Variants in NEUROD4 observed in about 807,000 individuals in gnomAD.
The protein encoded by NEUROD4 is neuronal differentiation 4.
Under a neutral mutation model 19.8 loss-of-function variants are expected in NEUROD4, and 16 were observed. The ratio of observed to expected loss-of-function variants is 0.81; its 90% CI spans 0.55 to 1.23. NEUROD4 has a LOEUF of 1.23. Among genes scored for constraint, NEUROD4 ranks in the 50% most tolerant of loss-of-function variants. The pLI is 0.00. For synonymous variants in NEUROD4, 153 were observed against 147.9 expected (o/e 1.03, Z -0.25); for missense variants, 439 against 398.6 (o/e 1.10, Z -0.86).
At chr12:55,022,816 G>A (rs1952683651) in intron 1 of NEUROD4, among the ~76,000 whole-genome samples, 2 of 152,058 alleles carry the variant, frequency 1.3e-5, no homozygotes, top group Non-Finnish European at 2.9e-5. Flanking sequence ...GGAGACTGGA[G>A]GAGTAGGTGT....
At position 55,028,951 on chromosome 12, in the gene NEUROD4, A is replaced by G. The variant is rs573948691; in HGVS notation, c.*1516A>G. ...TCTTGTTCAATCAGCCAGGACAGTT[A>G]TTTAAGTCAAACCAGAGCCTGAATG... On this transcript the variant is annotated 3_prime_UTR_variant, in exon 2 of 2. Coordinates refer to ENST00000242994, the MANE Select transcript of NEUROD4 (RefSeq NM_021191.3). 2.4e-5 allele frequency: 4 copies of G among 167,120 alleles called. No homozygotes were observed. In the East Asian group the frequency reaches 7.7e-4, roughly 32 times the overall value. The allele number at this position is 167,120 out of a possible 1,614,324, so 10.4% of individuals were successfully genotyped here.
Position 55,028,574 on chromosome 12 carries a change from A to G in NEUROD4, c.*1139A>G, listed in dbSNP as rs570386117. ...ACCATCCACCTCTGTCCACACCAAT[A>G]TATTTTCCAGAAGCACAAGCACCAA... On this transcript the variant is annotated 3_prime_UTR_variant, in exon 2 of 2. Transcript: ENST00000242994. 6.0e-6 allele frequency: 1 copy of G among 167,176 alleles called. No homozygotes were observed. The highest frequency in any genetic ancestry group is 6.5e-5 in the Admixed American group (1 of 15,300). The allele number at this position is 167,176 out of a possible 1,614,324, so 10.4% of individuals were successfully genotyped here.
chr12:55,021,871 C>T (rs949820415), intron 1 of NEUROD4, among the ~76,000 whole-genome samples: 1 of 151,562 alleles, frequency 6.6e-6, no homozygotes, highest in Non-Finnish European at 1.5e-5. Flanking sequence ...CAGATTCTGC[C>T]CCTTGAGCCA....
intron 1 of NEUROD4, among the ~76,000 whole-genome samples, chr12:55,021,382 CA>C: frequency 1.3e-5 from 2 of 152,312 alleles, no homozygotes; most frequent in Middle Eastern, 6.8e-3. Context: ...CTGGGCTGGA[CA>C]GCCCCCTTTC....
rs867754548 is a variant in NEUROD4, at chr12:55,026,897, G to A, written c.458G>A (p.Gly153Asp). The A allele has an allele frequency of 6.8e-6, 11 of 1,614,124 alleles. No homozygotes were observed. The highest frequency in any genetic ancestry group is 9.3e-6 in the Non-Finnish European group (11 of 1,180,010). Residue 153 changes from glycine (G) to aspartate (D), a missense_variant, in exon 2 of 2, where the codon GGC becomes GAC. Physicochemically the swap from Gly to Asp is moderately conservative, Grantham distance 94. Coordinates refer to ENST00000242994, the MANE Select transcript of NEUROD4 (RefSeq NM_021191.3). ...LETGQTPEGK[G>D]FVEMLCKGLS... ...ACTGGCCAGACACCTGAAGGGAAAG[G>A]CTTTGTGGAGATGCTGTGTAAAGGG...
At position 55,027,533 on chromosome 12, in the gene NEUROD4, G is replaced by A; in HGVS notation, c.*98G>A. Reference sequence around the variant, plus strand: ...TCAATGACCTTAAAGGATCCCTATGGATATATATCAAACAATAGTTCAAGT... The same window carrying A: ...TCAATGACCTTAAAGGATCCCTATGAATATATATCAAACAATAGTTCAAGT... On this transcript the variant is annotated 3_prime_UTR_variant, in exon 2 of 2. Coordinates refer to ENST00000242994, the MANE Select transcript of NEUROD4 (RefSeq NM_021191.3). The A allele has an allele frequency of 8.7e-7, 1 of 1,146,634 alleles. No individual in the cohort carries two copies. The highest frequency in any genetic ancestry group is 2.4e-5 in the East Asian group (1 of 42,238). 71.0% of individuals were successfully genotyped at this position (1,146,634 alleles called of 1,614,324 possible). A position where few individuals can be genotyped will look rare whatever the true frequency, so the allele number is the denominator to read the frequency against.
rs1463223716 is a variant in NEUROD4 at position 55,029,424 on chromosome 12, C to T, written c.*1989C>T. On this transcript the variant is annotated 3_prime_UTR_variant, in exon 2 of 2. Transcript: ENST00000242994. ...GAGCGGCTGTAGGAGGGTCTATCCTCGAAGCTAGCATTTTCTGGCATTTAA... is the reference window on the plus strand; with the variant it reads ...GAGCGGCTGTAGGAGGGTCTATCCTTGAAGCTAGCATTTTCTGGCATTTAA... The T allele has an allele frequency of 6.0e-6, 1 of 166,954 alleles. No homozygotes were observed. The highest frequency in any genetic ancestry group is 1.5e-5 in the Non-Finnish European group (1 of 68,102). 10.3% of individuals were successfully genotyped at this position (166,954 alleles called of 1,614,324 possible). A position where few individuals can be genotyped will look rare whatever the true frequency, so the allele number is the denominator to read the frequency against.
At chr12:55,023,303 G>A (rs1952687845) in intron 1 of NEUROD4, among the ~76,000 whole-genome samples, 1 of 152,098 alleles carries the variant, frequency 6.6e-6, no homozygotes, top group Non-Finnish European at 1.5e-5. Context: ...CACACTAGTT[G>A]ATACAGTCTG....
At chr12:55,020,948 GC>G (rs1406210617) in intron 1 of NEUROD4, among the ~76,000 whole-genome samples, 1 of 152,096 alleles carries the variant, frequency 6.6e-6, no homozygotes, top group Non-Finnish European at 1.5e-5. Flanking sequence ...TCCTTTCTCT[GC>G]TTCACACTCA....
At position 55,027,169 on chromosome 12, in the gene NEUROD4, T is replaced by A. The variant is rs766873611; in HGVS notation, c.730T>A (p.Cys244Ser). ...ESSFGSHLPD[C>S]STPPYEGPLT... The stretch of plus-strand genomic sequence containing the variant: ...GTCCTTTGGGAGCCATCTGCCTGAC[T>A]GCAGTACACCCCCTTATGAGGGCCC... The change falls in exon 2 of 2, where the codon TGC becomes AGC. Residue 244 changes from cysteine (C) to serine (S), a missense_variant. Cys to Ser is a moderately radical substitution (Grantham distance 112). Coordinates refer to ENST00000242994, the MANE Select transcript of NEUROD4 (RefSeq NM_021191.3). 9 of 1,614,142 alleles carry A rather than the reference T, an allele frequency of 5.6e-6. No individual in the cohort carries two copies. The Admixed American group carries it at 1.5e-4, about 27-fold the overall frequency.
At chr12:55,025,896 T>C (rs767071976) in intron 1 of NEUROD4, among the ~76,000 whole-genome samples, 6 of 152,256 alleles carry the variant, frequency 3.9e-5, no homozygotes, top group Admixed American at 6.5e-5. Context: ...GTAGAACACA[T>C]ACAAAGTAGT....
In NEUROD4 at chr12:55,026,736, G is replaced by A. The variant is rs1265129016; in HGVS notation, c.297G>A (p.Arg99=). 1 of 1,614,052 alleles carries A rather than the reference G, an allele frequency of 6.2e-7. No individual in the cohort carries two copies. The highest frequency in any genetic ancestry group is 1.3e-5 in the African/African-American group (1 of 74,928). ...RVKANARERT[R]MHGLNDALDN... is the part of the protein sequence containing the mutation. Reference sequence around the variant, plus strand: ...AGGCTAATGCCAGAGAACGGACCCGGATGCATGGCCTGAATGACGCCCTGG... The same window carrying A: ...AGGCTAATGCCAGAGAACGGACCCGAATGCATGGCCTGAATGACGCCCTGG... Residue 99 remains arginine, a synonymous_variant, in exon 2 of 2, where the codon CGG becomes CGA. Coordinates refer to ENST00000242994, the MANE Select transcript of NEUROD4 (RefSeq NM_021191.3).
Position 55,027,468 on chromosome 12 carries a change from T to A in NEUROD4, c.*33T>A, listed in dbSNP as rs753652759. 4.5e-6 allele frequency: 7 copies of A among 1,544,842 alleles called. No homozygotes were observed. Among genetic ancestry groups the A allele is most frequent in the Non-Finnish European group, 6.1e-6 (7 of 1,146,132 alleles). On this transcript the variant is annotated 3_prime_UTR_variant, in exon 2 of 2. Transcript: ENST00000242994. Reference sequence around the variant, plus strand: ...AAGTTCAATGTTTCAGAGAATGACGTGGAGACATTTTCCATAATTCAAGTG... The same window carrying A: ...AAGTTCAATGTTTCAGAGAATGACGAGGAGACATTTTCCATAATTCAAGTG...
In NEUROD4 at chr12:55,026,580, A is replaced by C; in HGVS notation, c.141A>C (p.Leu47Phe). ...GTACTTATGGGATGCTCAGCAGCTT[A>C]ACTGAAGAGCATGACAGTATTGAGG... ...RPGTYGMLSS[L>F]TEEHDSIEEE... Residue 47 changes from leucine (L) to phenylalanine (F), a missense_variant, in exon 2 of 2, where the codon TTA becomes TTC. Transcript: ENST00000242994. The C allele has an allele frequency of 1.2e-6, 2 of 1,614,078 alleles. No individual in the cohort carries two copies. The highest frequency in any genetic ancestry group is 3.3e-4 in the Middle Eastern group (2 of 6,062).
rs114228321 is a variant in NEUROD4, at chr12:55,027,662, A to T, written c.*227A>T. On this transcript the variant is annotated 3_prime_UTR_variant, in exon 2 of 2. Transcript: ENST00000242994. ...AAGTGAAAATATTTGATGATTTAACAACCATGTGAAAATAGAACAGAAGAC... is the reference window on the plus strand; with the variant it reads ...AAGTGAAAATATTTGATGATTTAACTACCATGTGAAAATAGAACAGAAGAC... 2.0e-3 allele frequency: 918 copies of T among 457,384 alleles called. 6 individuals are homozygous for T. Among genetic ancestry groups the T allele is most frequent in the African/African-American group, 0.016 (789 of 49,430 alleles). 28.3% of individuals were successfully genotyped at this position (457,384 alleles called of 1,614,324 possible). A position where few individuals can be genotyped will look rare whatever the true frequency, so the allele number is the denominator to read the frequency against.
At chr12:55,023,820 G>A (rs1188445271) in intron 1 of NEUROD4, among the ~76,000 whole-genome samples, 1 of 152,144 alleles carries the variant, frequency 6.6e-6, no homozygotes, top group Non-Finnish European at 1.5e-5. Context: ...CCAACAAGCT[G>A]ATTTGAAAGC....
Position 55,028,799 on chromosome 12 carries a change from T to C in NEUROD4, c.*1364T>C, listed in dbSNP as rs1224089895. 6.0e-6 allele frequency: 1 copy of C among 167,102 alleles called. No homozygotes were observed. Among genetic ancestry groups the C allele is most frequent in the Non-Finnish European group, 1.5e-5 (1 of 68,108 alleles). The allele number at this position is 167,102 out of a possible 1,614,324, so 10.4% of individuals were successfully genotyped here. Reference sequence around the variant, plus strand: ...AATATTTTTACCAACTATGTCTTCATCACAGGTTTAACCCAATTTGCAGAG... The same window carrying C: ...AATATTTTTACCAACTATGTCTTCACCACAGGTTTAACCCAATTTGCAGAG... On this transcript the variant is annotated 3_prime_UTR_variant, in exon 2 of 2. Coordinates refer to ENST00000242994, the MANE Select transcript of NEUROD4 (RefSeq NM_021191.3).
Position 55,026,978 on chromosome 12 carries a change from C to G in NEUROD4, c.539C>G (p.Ser180Cys). 1.2e-6 allele frequency: 2 copies of G among 1,614,196 alleles called. No individual in the cohort carries two copies. The highest frequency in any genetic ancestry group is 1.7e-6 in the Non-Finnish European group (2 of 1,180,032). Reference protein sequence around the residue: ...VAGCLQLGPQSVLLEKHEDKS... With the variant: ...VAGCLQLGPQCVLLEKHEDKS... ...GGATGTCTCCAACTGGGCCCTCAGTCTGTCCTCCTGGAGAAGCACGAGGAT... is the reference window on the plus strand; with the variant it reads ...GGATGTCTCCAACTGGGCCCTCAGTGTGTCCTCCTGGAGAAGCACGAGGAT... Residue 180 changes from serine (S) to cysteine (C), a missense_variant, in exon 2 of 2, where the codon TCT becomes TGT. Physicochemically the swap from Ser to Cys is moderately radical, Grantham distance 112. Transcript: ENST00000242994.
chr12:55,027,615 T>C lies in NEUROD4; in HGVS notation c.*180T>C. ...TTTCTCATCACCTTCTCACATTGCA[T>C]TGATTTCTTTATAGAGTCCTCAAGT... On this transcript the variant is annotated 3_prime_UTR_variant, in exon 2 of 2. Transcript: ENST00000242994. 2 of 607,512 alleles carry C rather than the reference T, an allele frequency of 3.3e-6. No homozygotes were observed. The highest frequency in any genetic ancestry group is 5.8e-6 in the Non-Finnish European group (2 of 342,906). The allele number at this position is 607,512 out of a possible 1,614,324, so 37.6% of individuals were successfully genotyped here.
Sources: gnomAD v4.1 joint callset for allele counts (sites outside exome capture counted in the v4.1 genomes callset) on GRCh38, gnomAD v4.1.1 for gene constraint, MANE v1.5 for transcripts, NCBI Gene and HGNC (gene_info 2026-07-23, HGNC 2026-07-21) for gene names.